Variants in KIF21A observed in about 807,000 individuals in gnomAD.
The protein encoded by KIF21A is kinesin-like protein KIF21A.
A neutral mutation model predicts 202.9 loss-of-function variants in KIF21A; 114 were observed. The ratio of observed to expected loss-of-function variants is 0.56; its 90% CI spans 0.48 to 0.66. The LOEUF (loss-of-function observed/expected upper bound fraction) is 0.66. Ranked by LOEUF, KIF21A falls within the 30% of genes least tolerant of loss-of-function variation. The pLI, the probability that KIF21A is intolerant of heterozygous loss-of-function variation, is 0.00. For synonymous variants in KIF21A, 667 were observed against 670.8 expected (o/e 0.99, Z 0.09); for missense variants, 1,677 against 1,994.9 (o/e 0.84, Z 3.04).
intron 24 of KIF21A, 45 bp from the exon 25 acceptor site, chr12:39,326,369 GT>G (rs765903703): frequency 7.5e-7 from 1 of 1,332,514 alleles, no homozygotes; most frequent in Non-Finnish European, 1.1e-6. Flanking sequence ...CCATGTCACA[GT>G]TTGAATGGTG....
rs771990557 is a variant in KIF21A at position 39,342,086 on chromosome 12, T to C, written c.1751A>G (p.Glu584Gly). 1.9e-6 allele frequency: 3 copies of C among 1,611,980 alleles called. No homozygotes were observed. Residue 584 changes from glutamate to glycine, a missense_variant, in exon 13 of 38, where the codon GAG (glutamate) becomes GGG (glycine). By Grantham distance (98) the Glu-to-Gly change is moderately conservative. Coordinates refer to ENST00000361418, the MANE Select transcript of KIF21A (RefSeq NM_001173464.2). ...GKEDNTDTDQ[E>G]KKEEKGVSER... ...CGAAACACCCTTTTCTTCTTTCTTC[T>C]CTTGGTCAGTGTCTGTATTATCCTC...
chr12:39,385,424 C>T (rs917076173), intron 1 of KIF21A, among the ~76,000 whole-genome samples: 10 of 152,200 alleles, frequency 6.6e-5, no homozygotes, highest in African/African-American at 9.6e-5. Context: ...CCAAATTTCT[C>T]GACCATTTCA....
At chr12:39,427,684 G>T (rs986105123) in intron 1 of KIF21A, among the ~76,000 whole-genome samples, 2 of 152,080 alleles carry the variant, frequency 1.3e-5, no homozygotes, top group East Asian at 3.9e-4. Context: ...TGTTTGAGAC[G>T]GTCTCTCTCT....
chr12:39,432,890 C>A (rs959552225), intron 1 of KIF21A, among the ~76,000 whole-genome samples: 10 of 152,198 alleles, frequency 6.6e-5, no homozygotes, highest in African/African-American at 2.4e-4. Flanking sequence ...GGATTACAGG[C>A]GTGAGCCACC....
intron 1 of KIF21A, among the ~76,000 whole-genome samples, chr12:39,376,890 T>A (rs866125624): frequency 3.3e-4 from 50 of 152,192 alleles, no homozygotes; most frequent in African/African-American, 1.2e-3. Flanking sequence ...TCCCTACAGA[T>A]AGAAGAGGAA....
intron 1 of KIF21A, among the ~76,000 whole-genome samples, chr12:39,388,776 T>C (rs1435892774): frequency 2.0e-5 from 3 of 152,236 alleles, no homozygotes; most frequent in African/African-American, 4.8e-5. Context: ...ACTAAACTTC[T>C]GGTTAATTTA....
intron 1 of KIF21A, among the ~76,000 whole-genome samples, chr12:39,404,226 G>C (rs1952402310): frequency 6.6e-6 from 1 of 152,142 alleles, no homozygotes; most frequent in South Asian, 2.1e-4. Context: ...AGCCTCCCAA[G>C]TAGCTGAGGT....
At chr12:39,418,617 T>C (rs1201671410) in intron 1 of KIF21A, among the ~76,000 whole-genome samples, 1 of 152,194 alleles carries the variant, frequency 6.6e-6, no homozygotes, top group Admixed American at 6.5e-5. Flanking sequence ...TGTTCCTCTA[T>C]GAATGGTGAG....
intron 1 of KIF21A, among the ~76,000 whole-genome samples, chr12:39,386,446 G>A (rs562306504): frequency 1.8e-4 from 27 of 152,222 alleles, no homozygotes; most frequent in African/African-American, 6.3e-4. Flanking sequence ...TTTCTATTAA[G>A]CCCTTGTAAA....
Position 39,441,660 on chromosome 12 carries a change from T to TTAAAAAAAAAA in KIF21A, c.44+1266_44+1267insTTTTTTTTTTA, listed in dbSNP as rs767481998. 2.0e-3 allele frequency among the ~76,000 whole-genome samples: 74 copies of TTAAAAAAAAAA among 37,798 alleles called. 3 individuals are homozygous for TTAAAAAAAAAA. Among genetic ancestry groups the TTAAAAAAAAAA allele is most frequent in the African/African-American group, 7.5e-3 (72 of 9,558 alleles). The allele number at this position is 37,798 out of a possible 152,430, so 24.8% of individuals were successfully genotyped here. A position where few individuals can be genotyped will look rare whatever the true frequency, so the allele number is the denominator to read the frequency against. Reference sequence around the variant, plus strand: ...ATAAAACTGTCACCTCCCTGGGTGGTAAAAAAAAAAAAAAAAAAAACACTT... The same window carrying TTAAAAAAAAAA: ...ATAAAACTGTCACCTCCCTGGGTGGTTAAAAAAAAAAAAAAAAAAAAAAAAAAAAAACACTT... On this transcript the variant is annotated intron_variant, in intron 1 of 37. Transcript: ENST00000361418.
chr12:39,320,082 A>G, intron 27 of KIF21A, 69 bp from the exon 28 acceptor site: 4 of 872,062 alleles, frequency 4.6e-6, no homozygotes, highest in Non-Finnish European at 7.4e-6. Flanking sequence ...TAGATAGTCA[A>G]TCTAAAATTT....
chr12:39,325,930 A>G, intron 25 of KIF21A, 37 bp from the exon 26 acceptor site: 2 of 1,543,094 alleles, frequency 1.3e-6, no homozygotes, highest in Middle Eastern at 3.5e-4. Context: ...AAGATTAAAT[A>G]GAAAATTATT....
At position 39,426,332 on chromosome 12, in the gene KIF21A, T is replaced by C. The variant is rs1015573312; in HGVS notation, c.44+16595A>G. 2.6e-5 allele frequency among the ~76,000 whole-genome samples: 4 copies of C among 152,344 alleles called. No individual in the cohort carries two copies. In the South Asian group the frequency reaches 8.3e-4, roughly 32 times the overall value. ...GTGAGTATACACACATGTACACGCA[T>C]GTATGCGTGTACTCATATCCTTGTA... On this transcript the variant is annotated intron_variant, in intron 1 of 37. Coordinates refer to ENST00000361418, the MANE Select transcript of KIF21A (RefSeq NM_001173464.2).
intron 1 of KIF21A, among the ~76,000 whole-genome samples, chr12:39,440,580 A>G (rs1369996024): frequency 2.6e-5 from 4 of 152,260 alleles, no homozygotes; most frequent in Non-Finnish European, 5.9e-5. Context: ...AGACGGGTAT[A>G]TATCTTCAAT....
At chr12:39,336,968 G>T in intron 17 of KIF21A, 128 bp downstream of exon 17, 1 of 683,376 alleles carries the variant, frequency 1.5e-6, no homozygotes, top group Non-Finnish European at 2.7e-6. Flanking sequence ...TTTATAAAGT[G>T]TATGCTTATC....
intron 1 of KIF21A, among the ~76,000 whole-genome samples, chr12:39,389,720 C>G (rs11171957): frequency 0.081 from 12,353 of 152,224 alleles, 635 homozygotes; most frequent in South Asian, 0.28. Context: ...ACAATATATC[C>G]TTATCCATTA....
intron 1 of KIF21A, among the ~76,000 whole-genome samples, chr12:39,391,822 C>T (rs1951376160): frequency 6.6e-6 from 1 of 152,034 alleles, no homozygotes; most frequent in African/African-American, 2.4e-5. Context: ...TCACTGCAAC[C>T]TCTGCCTCCC....
intron 1 of KIF21A, among the ~76,000 whole-genome samples, chr12:39,416,813 G>T (rs1009474317): frequency 1.0e-5 from 1 of 98,678 alleles, no homozygotes; most frequent in Non-Finnish European, 2.0e-5. Context: ...ATATATATGT[G>T]TGTATATATG....
intron 1 of KIF21A, among the ~76,000 whole-genome samples, chr12:39,373,741 G>A (rs750646636): frequency 5.3e-5 from 8 of 152,106 alleles, no homozygotes; most frequent in East Asian, 1.9e-4. Context: ...TTGCAGATAC[G>A]ATAGCCAATT....
Sources: allele counts gnomAD v4.1 joint callset (sites outside exome capture counted in the v4.1 genomes callset), GRCh38; gene constraint gnomAD v4.1.1; transcripts MANE v1.5; gene names NCBI Gene and HGNC (gene_info 2026-07-23, HGNC 2026-07-21).